PITPNC1: variants seen among roughly 807,000 people sequenced by gnomAD.
The protein encoded by PITPNC1 is cytoplasmic phosphatidylinositol transfer protein 1.
Under a neutral mutation model 44.7 loss-of-function variants are expected in PITPNC1, and 18 were observed. That is an observed-to-expected ratio of 0.40 (90% CI 0.28 to 0.60). The LOEUF is 0.60. PITPNC1 is among the 20% of genes least tolerant of loss of function. PITPNC1 has a pLI of 0.39. For synonymous variants in PITPNC1, 141 were observed against 149.6 expected (o/e 0.94, Z 0.42); for missense variants, 290 against 418.4 (o/e 0.69, Z 2.68).
chr17:67,401,214 C>T (rs1219548331), intron 1 of PITPNC1, among the ~76,000 whole-genome samples: 2 of 152,136 alleles, frequency 1.3e-5, no homozygotes, highest in Non-Finnish European at 2.9e-5. Flanking sequence ...GGATTACAGG[C>T]GTGAGCCACC....
At chr17:67,590,288 GA>G (rs2041373169) in intron 5 of PITPNC1, among the ~76,000 whole-genome samples, 1 of 152,240 alleles carries the variant, frequency 6.6e-6, no homozygotes, top group Admixed American at 6.5e-5. Context: ...TAGCCACACT[GA>G]AAAGGAGAGA....
chr17:67,491,414 A>G (rs2039863441), intron 1 of PITPNC1, among the ~76,000 whole-genome samples: 1 of 152,188 alleles, frequency 6.6e-6, no homozygotes, highest in African/African-American at 2.4e-5. Flanking sequence ...CCTGCTGTCC[A>G]GGGTTGGAGG....
At chr17:67,622,744 C>T (rs962235354) in intron 5 of PITPNC1, among the ~76,000 whole-genome samples, 6 of 151,676 alleles carry the variant, frequency 4.0e-5, no homozygotes, top group Non-Finnish European at 7.4e-5. Context: ...GGTGTGGTGG[C>T]GCATGCCTGT....
intron 6 of PITPNC1, among the ~76,000 whole-genome samples, chr17:67,643,462 G>A (rs2042112711): frequency 6.6e-6 from 1 of 152,198 alleles, no homozygotes; most frequent in Non-Finnish European, 1.5e-5. Flanking sequence ...ACCAGGGAGG[G>A]AAGAATTCAT....
At chr17:67,689,342 C>G (rs1275169085) in intron 8 of PITPNC1, among the ~76,000 whole-genome samples, 1 of 152,164 alleles carries the variant, frequency 6.6e-6, no homozygotes, top group Non-Finnish European at 1.5e-5. Flanking sequence ...TGCCCCTCAG[C>G]GTTGTTCCCG....
At chr17:67,667,751 G>T (rs1415173663) in intron 6 of PITPNC1, among the ~76,000 whole-genome samples, 1 of 151,784 alleles carries the variant, frequency 6.6e-6, no homozygotes, top group Non-Finnish European at 1.5e-5. Flanking sequence ...AGGCCAAGGT[G>T]GGTGGATCAC....
At position 67,399,008 on chromosome 17, in the gene PITPNC1, C is replaced by CTTTTT. The variant is rs34059580; in HGVS notation, c.48+20826_48+20830dup. On this transcript the variant is annotated intron_variant, in intron 1 of 8. Transcript: ENST00000581322. ...TCTCGTGTAGTTGTAAGAGGATCAG[C>CTTTTT]TTTTTTTTTTTTTTTTTTTTTTTTG... Among the ~76,000 whole-genome samples the CTTTTT allele has an allele frequency of 9.5e-4, 84 of 88,492 alleles. 2 individuals carry two copies. Among genetic ancestry groups the CTTTTT allele is most frequent in the African/African-American group, 2.0e-3 (39 of 19,862 alleles). 58.1% of individuals were successfully genotyped at this position (88,492 alleles called of 152,430 possible).
At chr17:67,666,670 G>A (rs2042427384) in intron 6 of PITPNC1, among the ~76,000 whole-genome samples, 1 of 152,204 alleles carries the variant, frequency 6.6e-6, no homozygotes, top group Non-Finnish European at 1.5e-5. Flanking sequence ...GAAGAGGCAG[G>A]AGGGCAAGCA....
At chr17:67,454,808 T>C (rs893479309) in intron 1 of PITPNC1, among the ~76,000 whole-genome samples, 3 of 148,774 alleles carry the variant, frequency 2.0e-5, no homozygotes, top group African/African-American at 7.5e-5. Context: ...TATTTCATTA[T>C]TTTTTATTTT....
rs148194974 is a variant in PITPNC1, at chr17:67,636,670, T to A, written c.462+4432T>A. 4.5e-3 allele frequency among the ~76,000 whole-genome samples: 690 copies of A among 152,232 alleles called. 5 individuals carry two copies. Among genetic ancestry groups the A allele is most frequent in the African/African-American group, 0.016 (649 of 41,518 alleles). ...CGACTCCCTCGTAACCCCAGCCCCA[T>A]CACCTTCAACAGGCCAGAATACAGA... On this transcript the variant is annotated intron_variant, in intron 6 of 8. Transcript: ENST00000581322.
rs141687603 is a variant in PITPNC1 at position 67,642,058 on chromosome 17, CT to C, written c.462+9821del. The stretch of plus-strand genomic sequence containing the variant: ...ACCCTGCGGCTACATTAAATTGCCC[CT>C]GACTCACACTTGGATGGGAGCAAAC... On this transcript the variant is annotated intron_variant, in intron 6 of 8. Transcript: ENST00000581322. Among the ~76,000 whole-genome samples, 940 of 152,122 alleles carry C rather than the reference CT, an allele frequency of 6.2e-3. 7 individuals carry two copies. The highest frequency in any genetic ancestry group is 0.021 in the African/African-American group (868 of 41,494).
At chr17:67,576,573 C>T (rs749602694) in intron 4 of PITPNC1, among the ~76,000 whole-genome samples, 2 of 152,322 alleles carry the variant, frequency 1.3e-5, no homozygotes, top group South Asian at 2.1e-4. Context: ...GCCCATTAGC[C>T]GTCAATCCCA....
intron 1 of PITPNC1, among the ~76,000 whole-genome samples, chr17:67,469,803 A>C (rs1280384502): frequency 6.6e-6 from 1 of 152,216 alleles, no homozygotes; most frequent in African/African-American, 2.4e-5. Context: ...AAGGAAATTC[A>C]AGTGCCATAG....
intron 8 of PITPNC1, chr17:67,686,938 A>C (rs1392076271): frequency 1.9e-5 from 12 of 630,930 alleles, no homozygotes; most frequent in African/African-American, 7.3e-5. Context: ...TACTCATCAT[A>C]AAGTTAGACA....
At chr17:67,636,636 C>T (rs886726315) in intron 6 of PITPNC1, among the ~76,000 whole-genome samples, 1 of 152,112 alleles carries the variant, frequency 6.6e-6, no homozygotes, top group South Asian at 2.1e-4. Context: ...AAAAGCATTC[C>T]CCCAGGGGCG....
At chr17:67,503,339 T>G (rs1033135602) in intron 1 of PITPNC1, among the ~76,000 whole-genome samples, 1 of 152,026 alleles carries the variant, frequency 6.6e-6, no homozygotes, top group African/African-American at 2.4e-5. Flanking sequence ...TAATGACCAC[T>G]TTGTCTCATA....
intron 1 of PITPNC1, among the ~76,000 whole-genome samples, chr17:67,393,346 C>T (rs74605560): frequency 1.4e-3 from 217 of 152,124 alleles, no homozygotes; most frequent in African/African-American, 5.0e-3. Flanking sequence ...CCCAAAGCCC[C>T]TGGCAACCAC....
chr17:67,692,045 A>C, intron 8 of PITPNC1, among the ~76,000 whole-genome samples: 1 of 152,038 alleles, frequency 6.6e-6, no homozygotes. Context: ...TATGTTGAAA[A>C]ATCCTGATGA....
At chr17:67,552,612 G>A (rs1844973478) in intron 3 of PITPNC1, among the ~76,000 whole-genome samples, 1 of 152,000 alleles carries the variant, frequency 6.6e-6, no homozygotes, top group African/African-American at 2.4e-5. Flanking sequence ...CAGGCGCAGT[G>A]GCTCACTCCT....
Sources: allele counts gnomAD v4.1 joint callset (sites outside exome capture counted in the v4.1 genomes callset), GRCh38; gene constraint gnomAD v4.1.1; transcripts MANE v1.5; gene names NCBI Gene and HGNC (gene_info 2026-07-23, HGNC 2026-07-21).